Variants in TAB2 observed in about 807,000 individuals in gnomAD.
TAB2 encodes the protein TGF-beta activated kinase 1 (MAP3K7) binding protein 2.
In TAB2, 3 loss-of-function variants were observed where a neutral mutation model predicts 65.0. That is an observed-to-expected ratio of 0.05 (90% CI 0.02 to 0.12). The LOEUF is 0.12. Among genes scored for constraint, TAB2 ranks in the 10% least tolerant of loss-of-function variants. The probability of loss-of-function intolerance (pLI) is 1.00; values close to 1 mark genes in which losing one functional copy is unlikely to be tolerated. For missense variants in TAB2, 623 were observed against 840.3 expected (o/e 0.74, Z 3.20); for synonymous variants, 298 against 285.1 (o/e 1.05, Z -0.46).
intron 1 of TAB2, among the ~76,000 whole-genome samples, chr6:149,231,060 T>C (rs970809153): frequency 6.6e-6 from 1 of 152,236 alleles, no homozygotes; most frequent in Non-Finnish European, 1.5e-5. Flanking sequence ...CCCTGTGAGA[T>C]AGAAAGCAGG....
intron 3 of TAB2, among the ~76,000 whole-genome samples, chr6:149,384,302 T>A (rs990308478): frequency 5.3e-5 from 8 of 152,208 alleles, no homozygotes; most frequent in African/African-American, 1.9e-4. Flanking sequence ...AATACTGTGA[T>A]AAAAACTGTC....
intron 1 of TAB2, among the ~76,000 whole-genome samples, chr6:149,232,298 G>A (rs1334471090): frequency 6.6e-6 from 1 of 152,032 alleles, no homozygotes; most frequent in Non-Finnish European, 1.5e-5. Context: ...CACCATCTCA[G>A]CTCACTGCAA....
chr6:149,357,430 A>AAAAAAACACACAC lies in TAB2; in HGVS notation c.-89-12478_-89-12477insAAAAACACACACA. ...GACTCCGTCTCAAGGAGAAAAAAAA[A>AAAAAAACACACAC]ACACACACACACACACACACACACA... On this transcript the variant is annotated intron_variant, in intron 1 of 6. Transcript: ENST00000637181. Among the ~76,000 whole-genome samples, 1,071 of 111,058 alleles carry AAAAAAACACACAC rather than the reference A, an allele frequency of 9.6e-3. 23 individuals carry two copies. Among genetic ancestry groups the AAAAAAACACACAC allele is most frequent in the South Asian group, 0.045 (128 of 2,850 alleles). The allele number at this position is 111,058 out of a possible 152,430, so 72.9% of individuals were successfully genotyped here.
At chr6:149,349,927 GCATTCATTCATT>G (rs377536561) in intron 1 of TAB2, among the ~76,000 whole-genome samples, 14 of 152,004 alleles carry the variant, frequency 9.2e-5, no homozygotes, top group African/African-American at 2.9e-4. Flanking sequence ...ATACATGCAT[GCATTCATTCATT>G]CATTCATTCA....
chr6:149,243,748 T>C (rs1420014842), intron 1 of TAB2: 1 of 152,226 alleles, frequency 6.6e-6, no homozygotes, highest in Non-Finnish European at 1.5e-5. Context: ...CAACCCATCA[T>C]CAAAGGGAAG....
At chr6:149,359,325 A>T (rs1431104370) in intron 1 of TAB2, among the ~76,000 whole-genome samples, 1 of 152,028 alleles carries the variant, frequency 6.6e-6, no homozygotes, top group African/African-American at 2.4e-5. Context: ...CCTCAGACCA[A>T]TTTTTTTGTT....
chr6:149,233,664 GTCCTGCTT>G (rs1189627258), intron 1 of TAB2, among the ~76,000 whole-genome samples: 1 of 152,160 alleles, frequency 6.6e-6, no homozygotes, highest in Non-Finnish European at 1.5e-5. Flanking sequence ...CAATAGATTA[GTCCTGCTT>G]TCCTTTACAC....
At chr6:149,368,883 T>C (rs1781129022) in intron 1 of TAB2, among the ~76,000 whole-genome samples, 1 of 152,154 alleles carries the variant, frequency 6.6e-6, no homozygotes, top group Non-Finnish European at 1.5e-5. Flanking sequence ...TCTATAAATC[T>C]ACTCAAAACT....
At chr6:149,354,200 T>C (rs1046663101) in intron 1 of TAB2, among the ~76,000 whole-genome samples, 20 of 152,332 alleles carry the variant, frequency 1.3e-4, no homozygotes, top group African/African-American at 4.8e-4. Context: ...AATTAGTACA[T>C]CTGTATGCCT....
intron 1 of TAB2, among the ~76,000 whole-genome samples, chr6:149,288,859 T>TAA (rs1465693106): frequency 1.1e-5 from 1 of 87,628 alleles, no homozygotes; most frequent in East Asian, 6.3e-4. Flanking sequence ...TTTTAATTTT[T>TAA]TTTTTTTTTT....
chr6:149,279,884 A>G (rs1778541386), intron 1 of TAB2, among the ~76,000 whole-genome samples: 1 of 152,146 alleles, frequency 6.6e-6, no homozygotes, highest in Non-Finnish European at 1.5e-5. Context: ...CCTCATCTCA[A>G]TGATACCACC....
chr6:149,354,953 A>G (rs889885356), intron 1 of TAB2, among the ~76,000 whole-genome samples: 2 of 152,230 alleles, frequency 1.3e-5, no homozygotes, highest in African/African-American at 4.8e-5. Flanking sequence ...ATTCATAAAA[A>G]TAGAATTGTG....
At chr6:149,403,743 G>A (rs568369426) in intron 6 of TAB2, among the ~76,000 whole-genome samples, 1 of 152,098 alleles carries the variant, frequency 6.6e-6, no homozygotes, top group South Asian at 2.1e-4. Context: ...AAGGAAGCAA[G>A]CAGAGGCATG....
chr6:149,348,082 GA>G (rs781240352), intron 1 of TAB2, among the ~76,000 whole-genome samples: 30 of 152,146 alleles, frequency 2.0e-4, no homozygotes, highest in Non-Finnish European at 3.8e-4. Context: ...TCACAGAAGA[GA>G]GAAATTGTAA....
chr6:149,276,300 G>C lies in TAB2; in HGVS notation c.-121+57524G>C, dbSNP rs192625861. Among the ~76,000 whole-genome samples, 11 of 152,230 alleles carry C rather than the reference G, an allele frequency of 7.2e-5. No individual in the cohort carries two copies. In the East Asian group the frequency reaches 1.9e-3, roughly 27 times the overall value. ...TATAGCTTAGTGGTAATAATGTCTGGAAAGAGTATTAATATGTTAATTGGT... is the reference window on the plus strand; with the variant it reads ...TATAGCTTAGTGGTAATAATGTCTGCAAAGAGTATTAATATGTTAATTGGT... On this transcript the variant is annotated intron_variant, in intron 1 of 1. Coordinates refer to the TAB2 transcript ENST00000606202.
chr6:149,268,208 C>T (rs1227497563), intron 1 of TAB2, among the ~76,000 whole-genome samples: 1 of 152,132 alleles, frequency 6.6e-6, no homozygotes, highest in East Asian at 1.9e-4. Context: ...TGCTAAGGGC[C>T]CAGGCTCCTT....
intron 3 of TAB2, among the ~76,000 whole-genome samples, chr6:149,385,697 G>A (rs1229274821): frequency 6.6e-6 from 1 of 152,062 alleles, no homozygotes; most frequent in Non-Finnish European, 1.5e-5. Context: ...TCCAGTCCAC[G>A]TACCCATCCA....
At chr6:149,341,817 A>G (rs901205155) in intron 1 of TAB2, among the ~76,000 whole-genome samples, 3 of 152,102 alleles carry the variant, frequency 2.0e-5, no homozygotes, top group African/African-American at 4.8e-5. Flanking sequence ...CACAACATCT[A>G]TGATAATTTG....
intron 3 of TAB2, among the ~76,000 whole-genome samples, chr6:149,382,826 GA>G (rs1781658984): frequency 6.6e-6 from 1 of 152,000 alleles, no homozygotes; most frequent in Admixed American, 6.6e-5. Context: ...CAACCATAGG[GA>G]AAGATAACAC....
Sources: allele counts gnomAD v4.1 joint callset (sites outside exome capture counted in the v4.1 genomes callset), GRCh38; gene constraint gnomAD v4.1.1; transcripts MANE v1.5; gene names NCBI Gene and HGNC (gene_info 2026-07-23, HGNC 2026-07-21).